SETD3: variants seen among roughly 807,000 people sequenced by gnomAD.
SETD3 encodes actin-histidine N-methyltransferase.
SETD3 carries 19 observed loss-of-function variants against 63.0 expected under a neutral mutation model. The ratio of observed to expected loss-of-function variants is 0.30; its 90% CI spans 0.21 to 0.44. The LOEUF is 0.44. Among genes scored for constraint, SETD3 ranks in the 20% least tolerant of loss-of-function variants. The probability of loss-of-function intolerance (pLI) is 1.00; values close to 1 mark genes in which losing one functional copy is unlikely to be tolerated. For missense variants in SETD3, 587 were observed against 728.5 expected (o/e 0.81, Z 2.24); for synonymous variants, 286 against 264.1 (o/e 1.08, Z -0.80).
upstream of SETD3, among the ~76,000 whole-genome samples, chr14:99,484,057 ATTTACTTGG>A: frequency 6.6e-6 from 1 of 152,252 alleles, no homozygotes; most frequent in South Asian, 2.1e-4. Flanking sequence ...AAATAAATAA[ATTTACTTGG>A]TGTGATTACA....
At chr14:99,412,452 C>G (rs1186758853) in intron 8 of SETD3, 1 of 153,060 alleles carries the variant, frequency 6.5e-6, no homozygotes, top group Non-Finnish European at 1.5e-5. Context: ...ATAAACATGG[C>G]CAGGGATTCG....
intron 1 of SETD3, among the ~76,000 whole-genome samples, chr14:99,470,019 G>A (rs1039925765): frequency 6.6e-6 from 1 of 152,164 alleles, no homozygotes; most frequent in Non-Finnish European, 1.5e-5. Context: ...GGGATAATGC[G>A]TAACCTCCCT....
At chr14:99,400,393 G>T (rs922638805) in intron 11 of SETD3, 134 bp from the exon 12 acceptor site, 1 of 901,930 alleles carries the variant, frequency 1.1e-6, no homozygotes, top group Non-Finnish European at 1.7e-6. Flanking sequence ...TACGCAATGG[G>T]CCAGGCCACT....
intron 11 of SETD3, among the ~76,000 whole-genome samples, chr14:99,402,126 C>T (rs1438065171): frequency 6.6e-6 from 1 of 152,210 alleles, no homozygotes; most frequent in East Asian, 1.9e-4. Flanking sequence ...CTAGCTCCTG[C>T]TCAAGCTCCT....
chr14:99,480,760 G>T lies in SETD3; in HGVS notation c.-41C>A, dbSNP rs957260694. ...CTTCCCCTAGCGCAGCGGGAACGAC[G>T]TACTCCGGCCCGGACCCCGCCGTCC... is the stretch of plus-strand genomic sequence containing the variant. On this transcript the variant is annotated 5_prime_UTR_variant, in exon 1 of 13. Transcript: ENST00000331768. 4 of 152,434 alleles carry T rather than the reference G, an allele frequency of 2.6e-5. No individual in the cohort carries two copies. Among genetic ancestry groups the T allele is most frequent in the South Asian group, 2.0e-4 (1 of 4,922 alleles). The allele number at this position is 152,434 out of a possible 1,614,324, so 9.4% of individuals were successfully genotyped here.
intron 6 of SETD3, among the ~76,000 whole-genome samples, chr14:99,438,157 T>C (rs1265984155): frequency 6.6e-6 from 1 of 152,230 alleles, no homozygotes; most frequent in African/African-American, 2.4e-5. Context: ...GGTCTTGAAA[T>C]CACTGATATA....
chr14:99,467,521 G>A (rs1052277354), intron 1 of SETD3, among the ~76,000 whole-genome samples: 18 of 152,204 alleles, frequency 1.2e-4, no homozygotes, highest in African/African-American at 4.1e-4. Context: ...GAGGACCATC[G>A]AACTTGACCT....
chr14:99,438,400 T>C (rs1189451969), intron 6 of SETD3, among the ~76,000 whole-genome samples: 2 of 152,360 alleles, frequency 1.3e-5, no homozygotes, highest in East Asian at 1.9e-4. Context: ...ATGCAAAGCA[T>C]AGTAGATTAC....
intron 6 of SETD3, among the ~76,000 whole-genome samples, chr14:99,440,279 T>C (rs985862963): frequency 6.6e-6 from 1 of 152,216 alleles, no homozygotes; most frequent in Non-Finnish European, 1.5e-5. Flanking sequence ...AAGGATAAAG[T>C]TGATTTGCAA....
intron 11 of SETD3, among the ~76,000 whole-genome samples, chr14:99,402,046 C>T (rs546082337): frequency 6.6e-6 from 1 of 152,278 alleles, no homozygotes; most frequent in South Asian, 2.1e-4. Context: ...ATCCCTGCAC[C>T]TCATTCTGGC....
intron 9 of SETD3, among the ~76,000 whole-genome samples, chr14:99,406,215 A>G (rs1272600370): frequency 6.6e-6 from 1 of 152,244 alleles, no homozygotes; most frequent in Non-Finnish European, 1.5e-5. Flanking sequence ...GTCATAACAC[A>G]CTTTATTTTC....
At position 99,423,719 on chromosome 14, in the gene SETD3, A is replaced by G. The variant is rs375688985; in HGVS notation, c.676-9785T>C. The stretch of plus-strand genomic sequence containing the variant: ...TACTTCCATAAGTACTGTTAAAGGT[A>G]CACTCTGTCTTAAACTGAACAGGGT... On this transcript the variant is annotated intron_variant, in intron 6 of 12. Transcript: ENST00000331768. Among the ~76,000 whole-genome samples the G allele has an allele frequency of 2.0e-5, 3 of 151,934 alleles. No individual in the cohort carries two copies. In the East Asian group the frequency reaches 5.8e-4, roughly 29 times the overall value.
intron 6 of SETD3, among the ~76,000 whole-genome samples, chr14:99,436,938 CAGA>C (rs1234758333): frequency 6.6e-6 from 1 of 152,170 alleles, no homozygotes; most frequent in African/African-American, 2.4e-5. Flanking sequence ...AGTAGGTGAG[CAGA>C]AGGTCTCAAT....
chr14:99,417,417 A>G (rs1481471255), intron 6 of SETD3, among the ~76,000 whole-genome samples: 5 of 152,278 alleles, frequency 3.3e-5, no homozygotes, highest in East Asian at 1.9e-4. Context: ...ATATTCCATG[A>G]ATTTTTGATG....
intron 8 of SETD3, among the ~76,000 whole-genome samples, chr14:99,407,602 G>T (rs1339160324): frequency 6.6e-6 from 1 of 152,074 alleles, no homozygotes; most frequent in Non-Finnish European, 1.5e-5. Context: ...GCCGAATAAG[G>T]AGGCGGCTCA....
chr14:99,409,814 A>C (rs1170229109), intron 8 of SETD3: 3 of 159,618 alleles, frequency 1.9e-5, no homozygotes, highest in African/African-American at 7.2e-5. Context: ...TCACGTTAAC[A>C]TTTTGGTTTA....
intron 6 of SETD3, among the ~76,000 whole-genome samples, chr14:99,420,355 T>G (rs1595172138): frequency 6.6e-6 from 1 of 152,324 alleles, no homozygotes; most frequent in Middle Eastern, 3.4e-3. Flanking sequence ...TTTTTAAAAT[T>G]TTAAAATTTA....
In SETD3 at chr14:99,398,522, T is replaced by C. The variant is rs111982663; in HGVS notation, c.*157A>G. 4.1e-4 allele frequency: 291 copies of C among 706,732 alleles called. No individual in the cohort carries two copies. The highest frequency in any genetic ancestry group is 5.5e-4 in the Non-Finnish European group (246 of 443,508). 43.8% of individuals were successfully genotyped at this position (706,732 alleles called of 1,614,324 possible). On this transcript the variant is annotated 3_prime_UTR_variant, in exon 13 of 13. Coordinates refer to ENST00000331768, the MANE Select transcript of SETD3 (RefSeq NM_032233.3). ...TCTTAATCAAAAAGGGAAGCTAGAT[T>C]TTTAAAATAACTTAAAAAAACCATT...
At chr14:99,464,274 A>T (rs1895243625) in intron 2 of SETD3, among the ~76,000 whole-genome samples, 1 of 152,224 alleles carries the variant, frequency 6.6e-6, no homozygotes, top group African/African-American at 2.4e-5. Context: ...CTTTTCACAC[A>T]ACTGCATTGG....
Sources: gnomAD v4.1 joint callset for allele counts (sites outside exome capture counted in the v4.1 genomes callset) on GRCh38, gnomAD v4.1.1 for gene constraint, MANE v1.5 for transcripts, NCBI Gene and HGNC (gene_info 2026-07-23, HGNC 2026-07-21) for gene names.